The following ZFYVE9 variants were observed in gnomAD, a reference collection of about 807,000 sequenced individuals.
ZFYVE9 encodes zinc finger FYVE domain-containing protein 9.
In ZFYVE9, 43 loss-of-function variants were observed where a neutral mutation model predicts 126.7. The observed-to-expected ratio is 0.34, with a 90% CI of 0.27 to 0.44. The LOEUF (loss-of-function observed/expected upper bound fraction) is 0.44, where lower values mean the gene tolerates loss of function less well. ZFYVE9 is among the 20% of genes least tolerant of loss of function. The pLI, the probability that ZFYVE9 is intolerant of heterozygous loss-of-function variation, is 1.00. For synonymous variants in ZFYVE9, 521 were observed against 597.4 expected, an observed-to-expected ratio of 0.87 and a Z score of 1.87; for missense variants, 1,476 against 1,697.0, an observed-to-expected ratio of 0.87 and a Z score of 2.29.
intron 2 of ZFYVE9, among the ~76,000 whole-genome samples, chr1:52,232,848 A>T (rs2124621523): frequency 6.6e-6 from 1 of 152,068 alleles, no homozygotes; most frequent in Middle Eastern, 3.4e-3. Flanking sequence ...TTTGAAAAAA[A>T]TTCTGTAAGC....
intron 1 of ZFYVE9, among the ~76,000 whole-genome samples, chr1:52,157,749 A>C (rs941275363): frequency 3.3e-5 from 5 of 152,096 alleles, no homozygotes; most frequent in African/African-American, 9.7e-5. Flanking sequence ...CCTGAAAGTT[A>C]AGTCTTATTG....
chr1:52,236,946 ATTTTTTTTAACAGC>A (rs1645278271), intron 3 of ZFYVE9, among the ~76,000 whole-genome samples: 1 of 151,744 alleles, frequency 6.6e-6, no homozygotes, highest in Non-Finnish European at 1.5e-5. Context: ...CTTCATTCTT[ATTTTTTTTAACAGC>A]TTTTTAAAAG....
At chr1:52,180,157 A>C (rs558196859) in intron 1 of ZFYVE9, 9 of 1,262,822 alleles carry the variant, frequency 7.1e-6, no homozygotes, top group Admixed American at 3.4e-5. Flanking sequence ...GAAGTTACCA[A>C]AGCCAGTGAG....
intron 9 of ZFYVE9, among the ~76,000 whole-genome samples, chr1:52,279,670 T>A (rs1645782994): frequency 6.6e-6 from 1 of 152,166 alleles, no homozygotes; most frequent in South Asian, 2.1e-4. Flanking sequence ...AGTCTCACCA[T>A]GTTGCCCAGG....
intron 1 of ZFYVE9, among the ~76,000 whole-genome samples, chr1:52,215,655 A>G (rs993867988): frequency 6.6e-6 from 1 of 152,170 alleles, no homozygotes; most frequent in Non-Finnish European, 1.5e-5. Flanking sequence ...GATTAGCTTC[A>G]ACTACTAATC....
intron 2 of ZFYVE9, among the ~76,000 whole-genome samples, chr1:52,221,079 T>C (rs540833923): frequency 1.8e-4 from 28 of 152,348 alleles, no homozygotes; most frequent in African/African-American, 6.5e-4. Flanking sequence ...TGGACTACTC[T>C]GAAGGCATAC....
chr1:52,340,289 C>A, intron 17 of ZFYVE9, 58 bp downstream of exon 17: 4 of 1,297,200 alleles, frequency 3.1e-6, no homozygotes, highest in Non-Finnish European at 4.4e-6. Context: ...TTTGCTAGGC[C>A]AAGAGCCACA....
At chr1:52,275,502 A>G (rs1240513519) in intron 8 of ZFYVE9, among the ~76,000 whole-genome samples, 1 of 152,186 alleles carries the variant, frequency 6.6e-6, no homozygotes, top group African/African-American at 2.4e-5. Context: ...TTACATTTCT[A>G]TCAACAGTGT....
chr1:52,203,221 G>A lies in ZFYVE9; in HGVS notation c.-142-13148G>A, dbSNP rs1000386913. 2.7e-5 allele frequency among the ~76,000 whole-genome samples: 4 copies of A among 150,002 alleles called. No homozygotes were observed. The East Asian group carries it at 6.0e-4, about 23-fold the overall frequency. On this transcript the variant is annotated intron_variant, in intron 1 of 18. Coordinates refer to ENST00000287727, the MANE Select transcript of ZFYVE9 (RefSeq NM_004799.4). ...TTTTAAGACAGTGTCTCACTCTTTT[G>A]CCCAGACTGGAGTGCAGTGGCCTGA... is the stretch of plus-strand genomic sequence containing the variant.
intron 2 of ZFYVE9, among the ~76,000 whole-genome samples, chr1:52,219,475 G>A (rs116741906): frequency 6.6e-6 from 1 of 151,910 alleles, no homozygotes; most frequent in Admixed American, 6.6e-5. Flanking sequence ...AGGAGTATTA[G>A]ATAAGGAGTA....
chr1:52,214,940 G>A (rs972636042), intron 1 of ZFYVE9, among the ~76,000 whole-genome samples: 1 of 152,116 alleles, frequency 6.6e-6, no homozygotes, highest in Admixed American at 6.5e-5. Context: ...ACTGGGGAGG[G>A]CAATCTGTTT....
rs1184726531 is a variant in ZFYVE9 at position 52,142,746 on chromosome 1, C to T, written c.-143+343C>T. On this transcript the variant is annotated intron_variant, in intron 1 of 18. Transcript: ENST00000287727. The surrounding 1 kb of genome is among the most constrained non-coding windows in gnomAD (Gnocchi z 4.5). The stretch of plus-strand genomic sequence containing the variant: ...TAGCCCGGGCCCTGCACGTACATCC[C>T]GGAGGGAGGCAGATGACGCCTGTTT... Among the ~76,000 whole-genome samples, 2 of 152,184 alleles carry T rather than the reference C, an allele frequency of 1.3e-5. No homozygotes were observed. Among genetic ancestry groups the T allele is most frequent in the Non-Finnish European group, 2.9e-5 (2 of 68,024 alleles).
chr1:52,200,673 C>T (rs905388333), intron 1 of ZFYVE9, among the ~76,000 whole-genome samples: 1 of 152,102 alleles, frequency 6.6e-6, no homozygotes, highest in Non-Finnish European at 1.5e-5. Flanking sequence ...GAGTTAACTC[C>T]TGTGAAAGGT....
chr1:52,279,693 T>C (rs1318255437), intron 9 of ZFYVE9, among the ~76,000 whole-genome samples: 1 of 152,160 alleles, frequency 6.6e-6, no homozygotes, highest in Non-Finnish European at 1.5e-5. Context: ...GTTCTTGAAC[T>C]CCTGAACTCG....
At chr1:52,316,483 C>CAAAA (rs34497476) in intron 13 of ZFYVE9, among the ~76,000 whole-genome samples, 1 of 80,768 alleles carries the variant, frequency 1.2e-5, no homozygotes, top group Non-Finnish European at 2.4e-5. Flanking sequence ...AGACTGGTCT[C>CAAAA]AAAAAAAAAA....
In ZFYVE9 at chr1:52,239,117, C is replaced by G. The variant is rs147788994; in HGVS notation, c.1700C>G (p.Ala567Gly). 3,190 of 1,614,102 alleles carry G rather than the reference C, an allele frequency of 2.0e-3. 4 individuals carry two copies. Among genetic ancestry groups the G allele is most frequent in the Non-Finnish European group, 2.3e-3 (2,750 of 1,179,998 alleles). ...GGGCAATCTTCCCCCAAGGTAGTAG[C>G]AAGCCTGCCATCTATCAGTGTTCCT... ...VLGQSSPKVV[A>G]SLPSISVPFG... is the part of the protein sequence containing the mutation. Residue 567 changes from alanine (A) to glycine (G), a missense_variant, in exon 4 of 19, where the codon GCA (alanine) becomes GGA (glycine). Ala to Gly is a moderately conservative substitution (Grantham distance 60). Transcript: ENST00000287727.
At chr1:52,200,415 A>G (rs1356948397) in intron 1 of ZFYVE9, among the ~76,000 whole-genome samples, 1 of 152,144 alleles carries the variant, frequency 6.6e-6, no homozygotes, top group Non-Finnish European at 1.5e-5. Flanking sequence ...TCCTGAGCTC[A>G]AGCGATCCAC....
At chr1:52,255,981 T>TTTCTTTCCTTCCTTCCTTCCTTCC (rs1557484332) in intron 4 of ZFYVE9, among the ~76,000 whole-genome samples, 1 of 115,646 alleles carries the variant, frequency 8.6e-6, no homozygotes, top group African/African-American at 3.7e-5. Flanking sequence ...TCTTTCTTTC[T>TTTCTTTCCTTCCTTCCTTCCTTCC]TTCCTTCCTT....
intron 12 of ZFYVE9, among the ~76,000 whole-genome samples, chr1:52,297,719 A>ATTTTG (rs199968804): frequency 7.5e-6 from 1 of 134,056 alleles, no homozygotes; most frequent in Non-Finnish European, 1.6e-5. Context: ...TCTTTAAAAA[A>ATTTTG]TTTTGTTTTG....
Sources: gnomAD v4.1 joint callset for allele counts (sites outside exome capture counted in the v4.1 genomes callset) on GRCh38, gnomAD v4.1.1 for gene constraint, Gnocchi (gnomAD v3.1) non-coding constraint, MANE v1.5 for transcripts, NCBI Gene and HGNC (gene_info 2026-07-23, HGNC 2026-07-21) for gene names.